Variants in RAB3GAP1 observed in about 807,000 individuals in gnomAD.
The protein encoded by RAB3GAP1 is rab3 GTPase-activating protein catalytic subunit.
In RAB3GAP1, 86 loss-of-function variants were observed where a neutral mutation model predicts 130.7. That is an observed-to-expected ratio of 0.66 (90% CI 0.55 to 0.79). The LOEUF is 0.79. Among genes scored for constraint, RAB3GAP1 ranks in the 30% least tolerant of loss-of-function variants. The pLI is 0.00. For synonymous variants in RAB3GAP1, 367 were observed against 401.7 expected (o/e 0.91, Z 1.03); for missense variants, 1,029 against 1,169.4 (o/e 0.88, Z 1.75).
intron 3 of RAB3GAP1, among the ~76,000 whole-genome samples, chr2:135,068,347 A>T (rs1235755832): frequency 6.6e-6 from 1 of 152,158 alleles, no homozygotes; most frequent in East Asian, 1.9e-4. Context: ...CACAATAACT[A>T]AATTTGTGAT....
intron 3 of RAB3GAP1, among the ~76,000 whole-genome samples, chr2:135,075,643 T>G (rs1429417614): frequency 6.7e-6 from 1 of 150,294 alleles, no homozygotes; most frequent in Non-Finnish European, 1.5e-5. Flanking sequence ...GTTTGCCTTT[T>G]TTTTTTTAAA....
intron 5 of RAB3GAP1, among the ~76,000 whole-genome samples, chr2:135,106,768 T>TAAAAAAAAAAAAAAAA (rs1690637700): frequency 1.6e-5 from 1 of 61,478 alleles, no homozygotes; most frequent in Non-Finnish European, 3.5e-5. Flanking sequence ...AAAAAAAAAA[T>TAAAAAAAAAAAAAAAA]AAAAAAATAA....
At chr2:135,173,843 G>A (rs1323556532), downstream of RAB3GAP1, among the ~76,000 whole-genome samples, 9 of 152,122 alleles carry the variant, frequency 5.9e-5, no homozygotes, top group East Asian at 3.9e-4. Flanking sequence ...GATAGGGGTG[G>A]GTGGGTGGAT....
At chr2:135,162,483 G>C (rs1692491528) in intron 19 of RAB3GAP1, 72 bp from the exon 20 acceptor site, 1 of 1,152,228 alleles carries the variant, frequency 8.7e-7, no homozygotes, top group South Asian at 1.3e-5. Flanking sequence ...CTGAGGATTT[G>C]CACTTCTGTA....
intron 3 of RAB3GAP1, among the ~76,000 whole-genome samples, chr2:135,084,568 G>A (rs181712278): frequency 6.6e-6 from 1 of 152,010 alleles, no homozygotes; most frequent in African/African-American, 2.4e-5. Flanking sequence ...CTTTTGGATG[G>A]GGTTGTTTGC....
intron 3 of RAB3GAP1, among the ~76,000 whole-genome samples, chr2:135,083,791 TA>T (rs1553440847): frequency 4.9e-5 from 7 of 142,656 alleles, no homozygotes; most frequent in African/African-American, 1.9e-4. Context: ...TTTTTTTTTT[TA>T]ATTATAGCCA....
chr2:135,092,270 C>A (rs1690164415), intron 4 of RAB3GAP1, among the ~76,000 whole-genome samples: 1 of 152,124 alleles, frequency 6.6e-6, no homozygotes, highest in African/African-American at 2.4e-5. Flanking sequence ...GTTCAACGTT[C>A]TGCCAATTAA....
intron 3 of RAB3GAP1, among the ~76,000 whole-genome samples, chr2:135,086,233 T>G (rs1309149827): frequency 6.6e-6 from 1 of 152,180 alleles, no homozygotes; most frequent in Non-Finnish European, 1.5e-5. Context: ...GGGTATATTC[T>G]TAGGAGTGGA....
chr2:135,133,746 G>C, intron 14 of RAB3GAP1, 115 bp from the exon 15 acceptor site: 1 of 862,646 alleles, frequency 1.2e-6, no homozygotes, highest in Non-Finnish European at 1.9e-6. Context: ...ATAATGCCTA[G>C]TTTAGGTGGG....
At chr2:135,065,768 T>A (rs1337745743) in intron 3 of RAB3GAP1, among the ~76,000 whole-genome samples, 1 of 97,642 alleles carries the variant, frequency 1.0e-5, no homozygotes, top group Non-Finnish European at 1.8e-5. Context: ...TCTTCACTAA[T>A]TTTTTTTTTT....
At chr2:135,175,331 C>G (rs1355476994), downstream of RAB3GAP1, 1 of 152,214 alleles carries the variant, frequency 6.6e-6, no homozygotes, top group Non-Finnish European at 1.5e-5. Flanking sequence ...TATCAGCTCC[C>G]CAGGTGTGTC....
At chr2:135,079,933 C>G (rs897125626) in intron 3 of RAB3GAP1, among the ~76,000 whole-genome samples, 1 of 151,686 alleles carries the variant, frequency 6.6e-6, no homozygotes, top group East Asian at 1.9e-4. Context: ...ATCGAGACCA[C>G]GGTGAAACCC....
chr2:135,056,524 G>T (rs1043082859), intron 2 of RAB3GAP1, among the ~76,000 whole-genome samples: 10 of 152,152 alleles, frequency 6.6e-5, no homozygotes, highest in Non-Finnish European at 2.9e-5. Flanking sequence ...TCTTTTGATT[G>T]ACATGATTTT....
chr2:135,113,034 T>C (rs1690860471), intron 5 of RAB3GAP1, 117 bp from the exon 6 acceptor site: 4 of 1,420,766 alleles, frequency 2.8e-6, no homozygotes, highest in South Asian at 1.2e-5. Context: ...AGAAACACTT[T>C]TAGTTTAAAC....
rs375414016 is a variant in RAB3GAP1 at position 135,163,094 on chromosome 2, C to A, written c.2599C>A (p.Leu867Ile). The A allele has an allele frequency of 6.2e-7, 1 of 1,610,492 alleles. No homozygotes were observed. The highest frequency in any genetic ancestry group is 8.5e-7 in the Non-Finnish European group (1 of 1,176,770). The change falls in exon 22 of 24, where the codon CTT (leucine) becomes ATT (isoleucine). Residue 867 changes from leucine to isoleucine, a missense_variant. This residue lies in a region of RAB3GAP1 where 146 missense variants were observed against 143.7 expected (regional missense o/e 1.02). Transcript: ENST00000264158. ...TGAACAGGAGGAGGAAAAGGAAGAT[C>A]TTGAAAGGTAATTGCTATTTGGCTA... The part of the protein sequence containing the change: ...KCEQEEEKED[L>I]ERFVSCLLEQ...
chr2:135,132,426 A>T (rs1691575179), intron 13 of RAB3GAP1, among the ~76,000 whole-genome samples: 1 of 152,222 alleles, frequency 6.6e-6, no homozygotes, highest in African/African-American at 2.4e-5. Context: ...GTATCATAAA[A>T]TAAAGCTGTG....
At chr2:135,094,512 C>G (rs933541796) in intron 5 of RAB3GAP1, among the ~76,000 whole-genome samples, 1 of 151,988 alleles carries the variant, frequency 6.6e-6, no homozygotes, top group Non-Finnish European at 1.5e-5. Flanking sequence ...TATTTTTGTC[C>G]CATTAACCAT....
chr2:135,067,504 T>C (rs16831315), intron 3 of RAB3GAP1, among the ~76,000 whole-genome samples: 17,506 of 152,214 alleles, frequency 0.12, 1,300 homozygotes, highest in South Asian at 0.32. Flanking sequence ...AAATTGGAAG[T>C]TTTGGGAATC....
intron 5 of RAB3GAP1, among the ~76,000 whole-genome samples, chr2:135,107,262 T>C (rs1394925672): frequency 6.6e-6 from 1 of 151,868 alleles, no homozygotes; most frequent in African/African-American, 2.4e-5. Context: ...CTTGAATCCA[T>C]AGAAAAGAAT....
Sources: allele counts gnomAD v4.1 joint callset (sites outside exome capture counted in the v4.1 genomes callset), GRCh38; gene constraint gnomAD v4.1.1; regional missense constraint gnomAD v4.1.1; transcripts MANE v1.5; gene names NCBI Gene and HGNC (gene_info 2026-07-23, HGNC 2026-07-21).